GRM7: variants seen among roughly 807,000 people sequenced by gnomAD.
GRM7 encodes glutamate metabotropic receptor 7, also known as metabotropic glutamate receptor 7.
Under a neutral mutation model 84.5 loss-of-function variants are expected in GRM7, and 35 were observed. That is an observed-to-expected ratio of 0.41 (90% CI 0.32 to 0.55). The LOEUF (loss-of-function observed/expected upper bound fraction) is 0.55. Ranked by LOEUF, GRM7 falls within the 20% of genes least tolerant of loss-of-function variation. The probability of loss-of-function intolerance (pLI) is 0.19; values close to 1 mark genes in which losing one functional copy is unlikely to be tolerated. For missense variants in GRM7, 1,003 were observed against 1,194.6 expected (o/e 0.84, Z 2.36); for synonymous variants, 487 against 455.1 (o/e 1.07, Z -0.89).
At chr3:7,050,411 AGCTTC>A (rs1246265536) in intron 1 of GRM7, among the ~76,000 whole-genome samples, 1 of 151,926 alleles carries the variant, frequency 6.6e-6, no homozygotes, top group Admixed American at 6.6e-5. Flanking sequence ...CAAAGTCATA[AGCTTC>A]GTAGCCTGGA....
chr3:7,492,506 G>A (rs189574725), intron 7 of GRM7, among the ~76,000 whole-genome samples: 2 of 152,128 alleles, frequency 1.3e-5, no homozygotes, highest in East Asian at 3.9e-4. Flanking sequence ...CTGTTGGTTG[G>A]TTGTTGTTCT....
chr3:6,899,363 G>C (rs986919935), intron 1 of GRM7, among the ~76,000 whole-genome samples: 3 of 152,128 alleles, frequency 2.0e-5, no homozygotes, highest in African/African-American at 7.2e-5. Context: ...ATCTGACAAA[G>C]AGCTGGGCAT....
intron 8 of GRM7, among the ~76,000 whole-genome samples, chr3:7,580,869 G>A (rs2125054895): frequency 6.7e-6 from 1 of 150,288 alleles, no homozygotes; most frequent in South Asian, 2.1e-4. Flanking sequence ...GAGTTAGAGT[G>A]GTAAAATACA....
At chr3:7,700,679 T>C (rs555008664) in intron 9 of GRM7, among the ~76,000 whole-genome samples, 16 of 152,294 alleles carry the variant, frequency 1.1e-4, no homozygotes, top group African/African-American at 3.6e-4. Flanking sequence ...AGCCATTGTA[T>C]GGGGATAACA....
chr3:7,635,264 G>A (rs1410560671), intron 8 of GRM7, among the ~76,000 whole-genome samples: 2 of 152,224 alleles, frequency 1.3e-5, no homozygotes, highest in East Asian at 3.8e-4. Context: ...CTACCAGAGA[G>A]TAGATGGGAC....
At chr3:6,980,692 C>G (rs1257986641) in intron 1 of GRM7, among the ~76,000 whole-genome samples, 2 of 152,202 alleles carry the variant, frequency 1.3e-5, no homozygotes, top group African/African-American at 4.8e-5. Context: ...TCACAGGTCT[C>G]TTAGCCACTC....
chr3:7,033,069 A>G (rs1186498410), intron 1 of GRM7, among the ~76,000 whole-genome samples: 1 of 152,156 alleles, frequency 6.6e-6, no homozygotes, highest in Non-Finnish European at 1.5e-5. Flanking sequence ...AATCTGTTTC[A>G]TACCTCTCCT....
intron 9 of GRM7, among the ~76,000 whole-genome samples, chr3:7,719,167 C>T (rs1559504326): frequency 6.6e-6 from 1 of 152,070 alleles, no homozygotes; most frequent in Non-Finnish European, 1.5e-5. Context: ...GTTTTTCTCC[C>T]TAGTAACACA....
At chr3:7,104,184 C>T (rs1056678636) in intron 1 of GRM7, among the ~76,000 whole-genome samples, 1 of 151,452 alleles carries the variant, frequency 6.6e-6, no homozygotes, top group Admixed American at 6.6e-5. Context: ...TGAGGACACA[C>T]TAAGTATTTA....
At chr3:7,231,888 G>A (rs1697207312) in intron 2 of GRM7, among the ~76,000 whole-genome samples, 1 of 152,044 alleles carries the variant, frequency 6.6e-6, no homozygotes, top group South Asian at 2.1e-4. Flanking sequence ...AATTTATATT[G>A]GGCACTATGC....
chr3:7,611,904 C>T (rs542711262), intron 8 of GRM7, among the ~76,000 whole-genome samples: 5 of 152,258 alleles, frequency 3.3e-5, no homozygotes, highest in Admixed American at 2.0e-4. Flanking sequence ...TTTTAAGAAT[C>T]TATGAACAAA....
At chr3:7,636,445 A>G (rs533707706) in intron 8 of GRM7, 1 of 357,196 alleles carries the variant, frequency 2.8e-6, no homozygotes, top group Non-Finnish European at 5.6e-6. Context: ...TTACAAGAAC[A>G]TCGGTTGAGA....
At chr3:7,198,852 G>A (rs781767180) in intron 2 of GRM7, among the ~76,000 whole-genome samples, 9 of 152,146 alleles carry the variant, frequency 5.9e-5, no homozygotes, top group Admixed American at 2.6e-4. Context: ...AGAGTGTTAC[G>A]TTTAACTCAA....
intron 8 of GRM7, among the ~76,000 whole-genome samples, chr3:7,598,382 G>A (rs2125068394): frequency 6.6e-6 from 1 of 152,292 alleles, no homozygotes; most frequent in South Asian, 2.1e-4. Flanking sequence ...CTTTGCCACA[G>A]TGAACGCTGA....
chr3:7,453,652 T>A (rs1284846246), intron 6 of GRM7, among the ~76,000 whole-genome samples: 1 of 152,160 alleles, frequency 6.6e-6, no homozygotes, highest in East Asian at 1.9e-4. Context: ...TGCACAAAGA[T>A]GAGTTCTTGC....
intron 1 of GRM7, among the ~76,000 whole-genome samples, chr3:7,050,161 T>C (rs1008458286): frequency 6.6e-6 from 1 of 151,918 alleles, no homozygotes; most frequent in Admixed American, 6.6e-5. Flanking sequence ...TACAAATTTG[T>C]ACAAGCACAA....
chr3:7,218,030 C>G (rs541605760), intron 2 of GRM7, among the ~76,000 whole-genome samples: 3 of 151,918 alleles, frequency 2.0e-5, no homozygotes, highest in Admixed American at 2.0e-4. Flanking sequence ...ATTTAGCCAA[C>G]CTTTGCTGTT....
chr3:7,331,505 T>C (rs17047135), intron 4 of GRM7, among the ~76,000 whole-genome samples: 5,999 of 152,264 alleles, frequency 0.039, 249 homozygotes, highest in African/African-American at 0.11. Flanking sequence ...AAGACACAAA[T>C]ATTCCACTCT....
intron 7 of GRM7, among the ~76,000 whole-genome samples, chr3:7,515,845 A>G (rs1022443435): frequency 6.6e-6 from 1 of 152,110 alleles, no homozygotes; most frequent in African/African-American, 2.4e-5. Context: ...AGGCTGATAT[A>G]AAAATGAAAT....
Sources: gnomAD v4.1 joint callset for allele counts (sites outside exome capture counted in the v4.1 genomes callset) on GRCh38, gnomAD v4.1.1 for gene constraint, MANE v1.5 for transcripts, NCBI Gene and HGNC (gene_info 2026-07-23, HGNC 2026-07-21) for gene names.